The following SLC35F1 variants were observed in gnomAD, a reference collection of about 807,000 sequenced individuals.
The protein encoded by SLC35F1 is solute carrier family 35 member F1, also known as chromosome 6 open reading frame 169.
SLC35F1 carries 14 observed loss-of-function variants against 48.7 expected under a neutral mutation model. The observed-to-expected ratio is 0.29, with a 90% CI of 0.19 to 0.45. The LOEUF is 0.45. Among genes scored for constraint, SLC35F1 ranks in the 20% least tolerant of loss-of-function variants. The pLI, the probability that SLC35F1 is intolerant of heterozygous loss-of-function variation, is 1.00. For missense variants in SLC35F1, 404 were observed against 500.0 expected (o/e 0.81, Z 1.83); for synonymous variants, 190 against 202.2 (o/e 0.94, Z 0.51).
In SLC35F1 at chr6:118,050,037, A is replaced by G. The variant is rs577510467; in HGVS notation, c.174-104408A>G. On this transcript the variant is annotated intron_variant, in intron 1 of 7. Coordinates refer to ENST00000360388, the MANE Select transcript of SLC35F1 (RefSeq NM_001029858.4). ...ACACCATGGAATACTATGCAGCCAT[A>G]AAAAATGATGAGTTCATGTCCTTTG... 8.8e-3 allele frequency among the ~76,000 whole-genome samples: 1,342 copies of G among 152,182 alleles called. 7 individuals are homozygous for G. The highest frequency in any genetic ancestry group is 0.014 in the Middle Eastern group (4 of 294).
At chr6:117,987,783 C>T (rs1431560054) in intron 1 of SLC35F1, among the ~76,000 whole-genome samples, 2 of 152,090 alleles carry the variant, frequency 1.3e-5, no homozygotes. Context: ...AAAGATTGAG[C>T]TTGTGAATTA....
intron 2 of SLC35F1, among the ~76,000 whole-genome samples, chr6:118,221,206 C>A (rs1340139021): frequency 6.6e-6 from 1 of 152,066 alleles, no homozygotes; most frequent in South Asian, 2.1e-4. Context: ...ACAGATACTG[C>A]GCTACCCCAA....
At chr6:118,235,471 AG>A in intron 2 of SLC35F1, 37 bp from the exon 3 acceptor site, 1 of 1,583,084 alleles carries the variant, frequency 6.3e-7, no homozygotes, top group Non-Finnish European at 8.6e-7. Flanking sequence ...ATTCTATTTC[AG>A]GAACCTAACC....
intron 1 of SLC35F1, among the ~76,000 whole-genome samples, chr6:117,992,500 C>T (rs916120787): frequency 1.3e-5 from 2 of 152,106 alleles, no homozygotes; most frequent in Non-Finnish European, 2.9e-5. Context: ...TTGATAAACA[C>T]GAAATCTATT....
intron 2 of SLC35F1, among the ~76,000 whole-genome samples, chr6:118,232,805 A>G (rs913816031): frequency 1.1e-4 from 16 of 152,100 alleles, no homozygotes; most frequent in Non-Finnish European, 1.0e-4. Flanking sequence ...CTGTGGTTGT[A>G]TCTCTTTGGG....
At chr6:118,211,255 G>A (rs1774997788) in intron 2 of SLC35F1, among the ~76,000 whole-genome samples, 1 of 152,174 alleles carries the variant, frequency 6.6e-6, no homozygotes, top group Non-Finnish European at 1.5e-5. Flanking sequence ...GACAACCCTA[G>A]TCAGAAGTGA....
At position 118,154,587 on chromosome 6, in the gene SLC35F1, T is replaced by C. The variant is rs780230170; in HGVS notation, c.316T>C (p.Leu106=). Residue 106 remains leucine (L), a synonymous_variant, in exon 2 of 8, where the codon TTG becomes CTG. Coordinates refer to ENST00000360388, the MANE Select transcript of SLC35F1 (RefSeq NM_001029858.4). Reference sequence around the variant, plus strand: ...TTTCCTCAATTACATTCTTCTCTTCTTGGTCTATACCACCACACTAGCCGT... The same window carrying C: ...TTTCCTCAATTACATTCTTCTCTTCCTGGTCTATACCACCACACTAGCCGT... The part of the protein sequence containing the change: ...QSFLNYILLF[L]VYTTTLAVRQ... 1.4e-5 allele frequency: 22 copies of C among 1,613,846 alleles called. No homozygotes were observed. The East Asian group carries it at 4.7e-4, about 34-fold the overall frequency.
chr6:118,131,737 C>T (rs939950022), intron 1 of SLC35F1, among the ~76,000 whole-genome samples: 16 of 150,646 alleles, frequency 1.1e-4, no homozygotes, highest in Admixed American at 8.7e-4. Context: ...TTAAATTTTG[C>T]GTTCTGGCAT....
rs111669813 is a variant in SLC35F1, at chr6:118,196,379, A to G, written c.350-39130A>G. 3.9e-3 allele frequency among the ~76,000 whole-genome samples: 598 copies of G among 152,216 alleles called. 5 individuals are homozygous for G. Among genetic ancestry groups the G allele is most frequent in the African/African-American group, 0.013 (546 of 41,548 alleles). On this transcript the variant is annotated intron_variant, in intron 2 of 7. Transcript: ENST00000360388. ...TATTTAGTTTGCTTTAACAAGTCCC[A>G]TTTGTTTATTTTTGCTTTTGTTGCC... is the stretch of plus-strand genomic sequence containing the variant.
chr6:118,191,278 C>T (rs956409080), intron 2 of SLC35F1, among the ~76,000 whole-genome samples: 1 of 152,174 alleles, frequency 6.6e-6, no homozygotes, highest in African/African-American at 2.4e-5. Context: ...ATAAGGCTAG[C>T]TGAAAAATCC....
chr6:117,959,190 T>C (rs1016681607), intron 1 of SLC35F1, among the ~76,000 whole-genome samples: 13 of 152,192 alleles, frequency 8.5e-5, no homozygotes, highest in African/African-American at 3.1e-4. Flanking sequence ...CCTTGAACAG[T>C]GTGACACATG....
chr6:118,019,468 A>G (rs977432726), intron 1 of SLC35F1, among the ~76,000 whole-genome samples: 2 of 152,136 alleles, frequency 1.3e-5, no homozygotes, highest in African/African-American at 4.8e-5. Context: ...CTAAAAATAC[A>G]AAAATTAGCC....
chr6:118,198,721 C>T (rs1774834146), intron 2 of SLC35F1, among the ~76,000 whole-genome samples: 1 of 152,092 alleles, frequency 6.6e-6, no homozygotes, highest in Non-Finnish European at 1.5e-5. Context: ...GTTTACACAC[C>T]TGTGTGTGTA....
At chr6:118,302,033 G>T (rs1433982698) in intron 7 of SLC35F1, among the ~76,000 whole-genome samples, 1 of 151,750 alleles carries the variant, frequency 6.6e-6, no homozygotes, top group East Asian at 1.9e-4. Context: ...AAAGCCAATT[G>T]TAATTATTTC....
intron 1 of SLC35F1, among the ~76,000 whole-genome samples, chr6:118,068,387 AT>A (rs1363263820): frequency 5.3e-5 from 8 of 151,776 alleles, no homozygotes; most frequent in Admixed American, 1.3e-4. Flanking sequence ...AGAAGAATAC[AT>A]TTTTTTTTCT....
rs562356974 is a variant in SLC35F1 at position 118,275,741 on chromosome 6, T to C, written c.794+126T>C. 5 of 726,844 alleles carry C rather than the reference T, an allele frequency of 6.9e-6. No individual in the cohort carries two copies. The African/African-American group carries it at 9.0e-5, about 13-fold the overall frequency. The allele number at this position is 726,844 out of a possible 1,614,324, so 45.0% of individuals were successfully genotyped here. A position where few individuals can be genotyped will look rare whatever the true frequency, so the allele number is the denominator to read the frequency against. ...ACACCAGCTTCCTGTACAAAGGACT[T>C]ATGTAATCTGCCAACTCAATATCTT... On this transcript the variant is annotated intron_variant, in intron 5 of 7. Transcript: ENST00000360388.
At chr6:118,228,499 T>C (rs1188232023) in intron 2 of SLC35F1, among the ~76,000 whole-genome samples, 1 of 151,966 alleles carries the variant, frequency 6.6e-6, no homozygotes, top group African/African-American at 2.4e-5. Context: ...GCCCAGGAGT[T>C]TGAGACCAGC....
At chr6:118,309,205 G>A (rs559514017) in intron 7 of SLC35F1, among the ~76,000 whole-genome samples, 12 of 137,150 alleles carry the variant, frequency 8.7e-5, no homozygotes, top group Admixed American at 1.4e-4. Context: ...GTGTGTGTGC[G>A]TGTGTGTATT....
At chr6:118,169,260 T>C (rs1196231437) in intron 2 of SLC35F1, among the ~76,000 whole-genome samples, 1 of 152,162 alleles carries the variant, frequency 6.6e-6, no homozygotes, top group East Asian at 1.9e-4. Flanking sequence ...ATTAATCTTA[T>C]ACCAAAATTT....
Sources: gnomAD v4.1 joint callset for allele counts (sites outside exome capture counted in the v4.1 genomes callset) on GRCh38, gnomAD v4.1.1 for gene constraint, MANE v1.5 for transcripts, NCBI Gene and HGNC (gene_info 2026-07-23, HGNC 2026-07-21) for gene names.